ASIP: variants seen among roughly 807,000 people sequenced by gnomAD.
The protein encoded by ASIP is agouti signaling protein, also known as agouti-signaling protein.
ASIP carries 11 observed loss-of-function variants against 10.3 expected under a neutral mutation model. That is an observed-to-expected ratio of 1.07 (90% CI 0.68 to 1.78). The LOEUF (loss-of-function observed/expected upper bound fraction) is 1.78, where lower values mean the gene tolerates loss of function less well. ASIP is among the 40% of genes most tolerant of loss of function. The pLI is 0.00. For synonymous variants in ASIP, 70 were observed against 70.8 expected (o/e 0.99, Z 0.06); for missense variants, 180 against 169.2 (o/e 1.06, Z -0.35).
intron 3 of ASIP, among the ~76,000 whole-genome samples, chr20:34,266,277 G>A (rs928197478): frequency 1.3e-5 from 2 of 152,052 alleles, no homozygotes; most frequent in African/African-American, 2.4e-5. Context: ...GCGTGAACCC[G>A]GGAGGCAGAG....
intron 2 of ASIP, 85 bp downstream of exon 2, chr20:34,260,619 C>A: frequency 4.3e-6 from 6 of 1,388,190 alleles, no homozygotes; most frequent in Non-Finnish European, 5.9e-6. Flanking sequence ...CCAGGATCCA[C>A]CGCCATGGTC....
Position 34,269,050 on chromosome 20 carries a change from G to T in ASIP, c.282G>T (p.Val94=). 2 of 1,603,380 alleles carry T rather than the reference G, an allele frequency of 1.2e-6. No individual in the cohort carries two copies. The highest frequency in any genetic ancestry group is 1.7e-6 in the Non-Finnish European group (2 of 1,175,850). Residue 94 remains valine (V), a synonymous_variant, in exon 4 of 4, where the codon GTG becomes GTT. Transcript: ENST00000374954. ...GGACCCCCCTATCTGCGCCCTGCGT[G>T]GCCACCCGCAACAGCTGCAAGCCGC... ...RPRTPLSAPC[V]ATRNSCKPPA...
intron 1 of ASIP, among the ~76,000 whole-genome samples, chr20:34,202,947 C>T (rs934451103): frequency 2.7e-5 from 4 of 150,676 alleles, no homozygotes; most frequent in Non-Finnish European, 5.9e-5. Context: ...TAGCTGGGAC[C>T]ACAGGCGCCC....
rs149304681 is a variant in ASIP, at chr20:34,244,914, A to G, written c.-11+3425A>G. Among the ~76,000 whole-genome samples, 8 of 152,346 alleles carry G rather than the reference A, an allele frequency of 5.3e-5. No homozygotes were observed. In the East Asian group the frequency reaches 1.5e-3, roughly 29 times the overall value. On this transcript the variant is annotated intron_variant, in intron 1 of 3. Coordinates refer to ENST00000374954, the MANE Select transcript of ASIP (RefSeq NM_001672.3). ...ACTGTCACATCAATGAAGCAAGGAG[A>G]CGTATTACTGGTTAGGAAGCCAAAT...
upstream of ASIP, among the ~76,000 whole-genome samples, chr20:34,237,142 T>C (rs1357983227): frequency 1.3e-5 from 2 of 152,210 alleles, no homozygotes; most frequent in Non-Finnish European, 2.9e-5. Flanking sequence ...GGCTTTGTAG[T>C]AAGTTTTGAA....
In ASIP at chr20:34,200,974, TTCCTTCCTTCCTTCC is replaced by T. The variant is rs2034889892; in HGVS notation, c.-11+6216_-11+6230del. On this transcript the variant is annotated intron_variant, in intron 1 of 3. Coordinates refer to the ASIP transcript ENST00000568305. The stretch of plus-strand genomic sequence containing the variant: ...TTTCTTTCTTTCTTTCTTTCTTTCC[TTCCTTCCTTCCTTCC>T]TTCCTTCCTTCCTTCCTTCCTTCCT... 9.5e-4 allele frequency among the ~76,000 whole-genome samples: 62 copies of T among 65,400 alleles called. 4 individuals are homozygous for T. The highest frequency in any genetic ancestry group is 3.2e-3 in the African/African-American group (39 of 12,244). 42.9% of individuals were successfully genotyped at this position (65,400 alleles called of 152,430 possible).
At chr20:34,253,827 G>T (rs566001534) in intron 1 of ASIP, among the ~76,000 whole-genome samples, 1 of 152,208 alleles carries the variant, frequency 6.6e-6, no homozygotes, top group East Asian at 1.9e-4. Context: ...TAAATGACAG[G>T]TTCATCCAAG....
chr20:34,202,996 G>A (rs956049728), intron 1 of ASIP, among the ~76,000 whole-genome samples: 1 of 151,726 alleles, frequency 6.6e-6, no homozygotes, highest in African/African-American at 2.4e-5. Flanking sequence ...TTTTAGTAGC[G>A]ACGGGGTTTC....
chr20:34,259,416 G>A (rs1472385517), intron 1 of ASIP, among the ~76,000 whole-genome samples: 1 of 151,904 alleles, frequency 6.6e-6, no homozygotes, highest in Non-Finnish European at 1.5e-5. Flanking sequence ...TGGAGGCTGA[G>A]GCACGAGAAT....
intron 1 of ASIP, among the ~76,000 whole-genome samples, chr20:34,252,851 G>A (rs1471391318): frequency 6.6e-6 from 1 of 152,168 alleles, no homozygotes; most frequent in Non-Finnish European, 1.5e-5. Context: ...CTGGTTAATC[G>A]AGAATGGAGA....
intron 1 of ASIP, among the ~76,000 whole-genome samples, chr20:34,235,793 GA>G (rs886471555): frequency 2.4e-5 from 1 of 41,498 alleles, no homozygotes; most frequent in Non-Finnish European, 3.8e-5. Flanking sequence ...AAAGAAGAAA[GA>G]AAGAAAGAAA....
chr20:34,230,521 G>GAT, intron 1 of ASIP, among the ~76,000 whole-genome samples: 2 of 7,342 alleles, frequency 2.7e-4, no homozygotes, highest in Non-Finnish European at 1.8e-4. Context: ...CCTCCCAGAC[G>GAT]GGGCGGCTGG....
intron 3 of ASIP, among the ~76,000 whole-genome samples, chr20:34,268,374 C>G (rs569210862): frequency 6.6e-6 from 1 of 152,170 alleles, no homozygotes; most frequent in South Asian, 2.1e-4. Context: ...CAAGCAAGGG[C>G]CAAATCTCAA....
chr20:34,236,705 T>C (rs1348249114), upstream of ASIP, among the ~76,000 whole-genome samples: 1 of 152,146 alleles, frequency 6.6e-6, no homozygotes, highest in East Asian at 1.9e-4. Context: ...TCATTATGCA[T>C]TATATAATGT....
intron 1 of ASIP, among the ~76,000 whole-genome samples, chr20:34,202,859 A>G (rs1469578091): frequency 1.7e-5 from 2 of 117,122 alleles, no homozygotes; most frequent in African/African-American, 6.9e-5. Flanking sequence ...CCCAGGCTGG[A>G]GTGCAGCGGC....
intron 1 of ASIP, among the ~76,000 whole-genome samples, chr20:34,199,238 A>C (rs2034877785): frequency 6.6e-6 from 1 of 152,196 alleles, no homozygotes; most frequent in Non-Finnish European, 1.5e-5. Context: ...ATTGATGGAC[A>C]CATGGAGTGT....
chr20:34,199,312 A>T (rs559409581), intron 1 of ASIP, among the ~76,000 whole-genome samples: 227 of 151,576 alleles, frequency 1.5e-3, no homozygotes, highest in African/African-American at 5.3e-3. Context: ...TTTTTTTTTT[A>T]AAGAACATAT....
chr20:34,269,028 C>G lies in ASIP; in HGVS notation c.260C>G (p.Thr87Ser). 6.2e-7 allele frequency: 1 copy of G among 1,607,960 alleles called. No homozygotes were observed. The highest frequency in any genetic ancestry group is 1.3e-5 in the African/African-American group (1 of 74,934). The change falls in exon 4 of 4, where the codon ACC becomes AGC. Residue 87 changes from threonine (T) to serine (S), a missense_variant. Thr to Ser is a moderately conservative substitution (Grantham distance 58). Coordinates refer to ENST00000374954, the MANE Select transcript of ASIP (RefSeq NM_001672.3). ...ATGAAGAAAGTGGTGCGGCCCCGGACCCCCCTATCTGCGCCCTGCGTGGCC... is the reference window on the plus strand; with the variant it reads ...ATGAAGAAAGTGGTGCGGCCCCGGAGCCCCCTATCTGCGCCCTGCGTGGCC... Reference protein sequence around the residue: ...ASMKKVVRPRTPLSAPCVATR... With the variant: ...ASMKKVVRPRSPLSAPCVATR...
intron 1 of ASIP, among the ~76,000 whole-genome samples, chr20:34,248,345 T>C (rs979880157): frequency 5.9e-5 from 9 of 152,212 alleles, no homozygotes; most frequent in Admixed American, 5.9e-4. Flanking sequence ...ATTCTGGTTA[T>C]ATTAGCTAAA....
Sources: allele counts gnomAD v4.1 joint callset (sites outside exome capture counted in the v4.1 genomes callset), GRCh38; gene constraint gnomAD v4.1.1; transcripts MANE v1.5; gene names NCBI Gene and HGNC (gene_info 2026-07-23, HGNC 2026-07-21).